Variants in STX7 observed in about 807,000 individuals in gnomAD.
STX7 encodes syntaxin-7.
Under a neutral mutation model 39.6 loss-of-function variants are expected in STX7, and 34 were observed. The observed-to-expected ratio is 0.86, with a 90% CI of 0.65 to 1.14. The LOEUF is 1.14. Ranked by LOEUF, STX7 falls within the 50% of genes most tolerant of loss-of-function variation. The probability of loss-of-function intolerance (pLI) is 0.00; values close to 1 mark genes in which losing one functional copy is unlikely to be tolerated. For missense variants in STX7, 284 were observed against 310.4 expected (o/e 0.92, Z 0.64); for synonymous variants, 119 against 99.1 (o/e 1.20, Z -1.19).
Position 132,456,013 on chromosome 6 carries a change from G to T in STX7, c.*4745C>A, listed in dbSNP as rs1210256225. Reference sequence around the variant, plus strand: ...AAATATAGATTCCAAATTCCCCTTGGATCTCACCCTTCTGTCTAGTGCTTT... The same window carrying T: ...AAATATAGATTCCAAATTCCCCTTGTATCTCACCCTTCTGTCTAGTGCTTT... On this transcript the variant is annotated 3_prime_UTR_variant, in exon 10 of 10. Transcript: ENST00000367941. The T allele has an allele frequency of 2.0e-5, 3 of 152,014 alleles. No homozygotes were observed. Among genetic ancestry groups the T allele is most frequent in the Non-Finnish European group, 4.4e-5 (3 of 68,006 alleles). 9.4% of individuals were successfully genotyped at this position (152,014 alleles called of 1,614,324 possible).
Position 132,452,989 on chromosome 6 carries a change from G to A in STX7, c.*7769C>T, listed in dbSNP as rs1335046342. On this transcript the variant is annotated 3_prime_UTR_variant, in exon 10 of 10. Transcript: ENST00000367941. ...TTTCAAGACTTACTACAGTAATCAA[G>A]ATTTTGGTGTTGGTGGAGGTATAGA... 1.3e-5 allele frequency: 2 copies of A among 152,106 alleles called. No individual in the cohort carries two copies. The highest frequency in any genetic ancestry group is 2.9e-5 in the Non-Finnish European group (2 of 67,978). 9.4% of individuals were successfully genotyped at this position (152,106 alleles called of 1,614,324 possible).
intron 2 of STX7, among the ~76,000 whole-genome samples, chr6:132,489,219 A>T (rs1025488188): frequency 2.1e-5 from 3 of 145,158 alleles, no homozygotes; most frequent in Non-Finnish European, 4.4e-5. Context: ...AAAAAAAAAA[A>T]AAAAAAGGAT....
intron 1 of STX7, among the ~76,000 whole-genome samples, chr6:132,504,395 G>T (rs1230561552): frequency 6.6e-6 from 1 of 152,178 alleles, no homozygotes; most frequent in Non-Finnish European, 1.5e-5. Flanking sequence ...GCCACAGGAG[G>T]CAGGTGAGAT....
chr6:132,509,448 T>TTTAAACTAAA (rs1562343402), intron 1 of STX7, among the ~76,000 whole-genome samples: 1 of 61,232 alleles, frequency 1.6e-5, no homozygotes, highest in Non-Finnish European at 3.0e-5. Flanking sequence ...GAGACTCGTC[T>TTTAAACTAAA]CAAAATAACA....
intron 5 of STX7, 133 bp from the exon 6 acceptor site, chr6:132,470,759 G>A (rs192637234): frequency 2.4e-4 from 109 of 452,572 alleles, no homozygotes; most frequent in African/African-American, 2.1e-3. Context: ...GTGTGTGTGT[G>A]TGTAGAGACA....
rs192094518 is a variant in STX7, at chr6:132,446,360, T to C, written c.*14398A>G. ...GATGATTGGGGTGAAAAACTGTCAA[T>C]TGAAAAAAGTTTGAAAGAAACCTTT... On this transcript the variant is annotated 3_prime_UTR_variant, in exon 10 of 10. Transcript: ENST00000367941. The C allele has an allele frequency of 1.6e-4, 25 of 152,286 alleles. No homozygotes were observed. The highest frequency in any genetic ancestry group is 1.2e-3 in the East Asian group (6 of 5,184). 9.4% of individuals were successfully genotyped at this position (152,286 alleles called of 1,614,324 possible).
At chr6:132,501,188 G>A (rs1487536681) in intron 2 of STX7, among the ~76,000 whole-genome samples, 3 of 152,050 alleles carry the variant, frequency 2.0e-5, no homozygotes, top group Admixed American at 1.3e-4. Context: ...AAGTAGCTGG[G>A]ATTACAGGCA....
At chr6:132,489,200 TAAAAAAAAAAAAAAAAA>T (rs745673648) in intron 2 of STX7, among the ~76,000 whole-genome samples, 10 of 83,192 alleles carry the variant, frequency 1.2e-4, no homozygotes, top group African/African-American at 5.9e-4. Flanking sequence ...GACTCTGTCT[TAAAAAAAAAAAAAAAAA>T]AAAAAAAAGG....
At chr6:132,461,756 G>C in intron 9 of STX7, 1 of 1,401,452 alleles carries the variant, frequency 7.1e-7, no homozygotes, top group African/African-American at 1.4e-5. Flanking sequence ...TGCTGTCATT[G>C]AAAACCGAAT....
Position 132,452,031 on chromosome 6 carries a change from GATACA to G in STX7, c.*8722_*8726del, listed in dbSNP as rs1292783414. The G allele has an allele frequency of 6.6e-6, 1 of 152,014 alleles. No homozygotes were observed. The highest frequency in any genetic ancestry group is 1.5e-5 in the Non-Finnish European group (1 of 67,990). The allele number at this position is 152,014 out of a possible 1,614,324, so 9.4% of individuals were successfully genotyped here. A position where few individuals can be genotyped will look rare whatever the true frequency, so the allele number is the denominator to read the frequency against. ...AAAAGAATTAAGCTATATATACAAAGATACACCACGACCAAGTGGAGTTTATCTCA... is the reference window on the plus strand; with the variant it reads ...AAAAGAATTAAGCTATATATACAAAGCCACGACCAAGTGGAGTTTATCTCA... On this transcript the variant is annotated 3_prime_UTR_variant, in exon 10 of 10. Coordinates refer to ENST00000367941, the MANE Select transcript of STX7 (RefSeq NM_003569.3).
chr6:132,489,911 G>C (rs1006401764), intron 2 of STX7, among the ~76,000 whole-genome samples: 3 of 152,164 alleles, frequency 2.0e-5, no homozygotes, highest in Admixed American at 1.3e-4. Flanking sequence ...TTAAATCTGA[G>C]GGCACAGTTC....
intron 2 of STX7, among the ~76,000 whole-genome samples, chr6:132,502,853 C>T (rs145829629): frequency 0.017 from 2,530 of 151,932 alleles, 55 homozygotes; most frequent in African/African-American, 0.057. Flanking sequence ...GAGCCAAGAT[C>T]GTACCACTGC....
Position 132,451,883 on chromosome 6 carries a change from G to A in STX7, c.*8875C>T, listed in dbSNP as rs1169801408. On this transcript the variant is annotated 3_prime_UTR_variant, in exon 10 of 10. Coordinates refer to ENST00000367941, the MANE Select transcript of STX7 (RefSeq NM_003569.3). ...CGCTGACACCAATTCTATACAATCC[G>A]CTTTAGAAAACAGAAGAGAAAGGAA... The A allele has an allele frequency of 2.0e-5, 3 of 152,106 alleles. No individual in the cohort carries two copies. Among genetic ancestry groups the A allele is most frequent in the African/African-American group, 2.4e-5 (1 of 41,426 alleles). 9.4% of individuals were successfully genotyped at this position (152,106 alleles called of 1,614,324 possible).
At chr6:132,488,941 C>A (rs1350583414) in intron 2 of STX7, among the ~76,000 whole-genome samples, 1 of 152,024 alleles carries the variant, frequency 6.6e-6, no homozygotes, top group African/African-American at 2.4e-5. Context: ...GTGGCTCGTG[C>A]CTGTAATCCC....
At position 132,449,889 on chromosome 6, in the gene STX7, T is replaced by G. The variant is rs1467197874; in HGVS notation, c.*10869A>C. The G allele has an allele frequency of 6.6e-6, 1 of 152,242 alleles. No individual in the cohort carries two copies. The highest frequency in any genetic ancestry group is 6.5e-5 in the Admixed American group (1 of 15,286). 9.4% of individuals were successfully genotyped at this position (152,242 alleles called of 1,614,324 possible). A position where few individuals can be genotyped will look rare whatever the true frequency, so the allele number is the denominator to read the frequency against. On this transcript the variant is annotated 3_prime_UTR_variant, in exon 10 of 10. Transcript: ENST00000367941. The stretch of plus-strand genomic sequence containing the variant: ...GCAAATGGTGTGTTTCCTTGCATGT[T>G]TGATTAATCTAGAAGCATTAATTAG...
rs1774202825 is a variant in STX7, at chr6:132,454,414, T to C, written c.*6344A>G. 1 of 152,166 alleles carries C rather than the reference T, an allele frequency of 6.6e-6. No individual in the cohort carries two copies. The highest frequency in any genetic ancestry group is 1.5e-5 in the Non-Finnish European group (1 of 68,010). 9.4% of individuals were successfully genotyped at this position (152,166 alleles called of 1,614,324 possible). Reference sequence around the variant, plus strand: ...TGTCAGTATCCTGGGTATGATATTGTATGACAGTTTTGAAAGATGTTCACT... The same window carrying C: ...TGTCAGTATCCTGGGTATGATATTGCATGACAGTTTTGAAAGATGTTCACT... On this transcript the variant is annotated 3_prime_UTR_variant, in exon 10 of 10. Transcript: ENST00000367941.
At position 132,449,251 on chromosome 6, in the gene STX7, T is replaced by G. The variant is rs927801629; in HGVS notation, c.*11507A>C. ...GATCCTCCCACTTGAGCCTCCCAAG[T>G]AGCTGGGACTACTGGTTCATGTCAC... is the stretch of plus-strand genomic sequence containing the variant. On this transcript the variant is annotated 3_prime_UTR_variant, in exon 10 of 10. Transcript: ENST00000367941. 1 of 152,156 alleles carries G rather than the reference T, an allele frequency of 6.6e-6. No homozygotes were observed. The highest frequency in any genetic ancestry group is 2.4e-5 in the African/African-American group (1 of 41,410). The allele number at this position is 152,156 out of a possible 1,614,324, so 9.4% of individuals were successfully genotyped here. A position where few individuals can be genotyped will look rare whatever the true frequency, so the allele number is the denominator to read the frequency against.
At chr6:132,476,389 G>T (rs569814968) in intron 2 of STX7, among the ~76,000 whole-genome samples, 1 of 152,024 alleles carries the variant, frequency 6.6e-6, no homozygotes, top group East Asian at 1.9e-4. Context: ...GACCAGTCTA[G>T]ACTGTGGGAC....
chr6:132,503,197 A>C (rs373966625), intron 2 of STX7, among the ~76,000 whole-genome samples: 12 of 152,320 alleles, frequency 7.9e-5, no homozygotes, highest in East Asian at 1.9e-4. Context: ...TATCCTTTTA[A>C]ATCTTTATTT....
Sources: gnomAD v4.1 joint callset for allele counts (sites outside exome capture counted in the v4.1 genomes callset) on GRCh38, gnomAD v4.1.1 for gene constraint, MANE v1.5 for transcripts, NCBI Gene and HGNC (gene_info 2026-07-23, HGNC 2026-07-21) for gene names.